SCRG1: variants seen among roughly 807,000 people sequenced by gnomAD.
The protein encoded by SCRG1 is stimulator of chondrogenesis 1.
In SCRG1, 3 loss-of-function variants were observed where a neutral mutation model predicts 7.7. The observed-to-expected ratio is 0.39, with a 90% CI of 0.18 to 1.01. The LOEUF (loss-of-function observed/expected upper bound fraction) is 1.01. SCRG1 is among the 50% of genes least tolerant of loss of function. The pLI is 0.36. For missense variants in SCRG1, 110 were observed against 117.2 expected, an observed-to-expected ratio of 0.94 and a Z score of 0.28; for synonymous variants, 46 against 41.2, an observed-to-expected ratio of 1.12 and a Z score of -0.44.
At chr4:173,394,360 A>G (rs1213504487) in intron 1 of SCRG1, among the ~76,000 whole-genome samples, 1 of 151,886 alleles carries the variant, frequency 6.6e-6, no homozygotes, top group East Asian at 1.9e-4. Flanking sequence ...ATATTTTATA[A>G]TTGGCCAGGC....
chr4:173,397,097 C>T (rs1560832553), intron 1 of SCRG1, among the ~76,000 whole-genome samples: 2 of 152,124 alleles, frequency 1.3e-5, no homozygotes, highest in African/African-American at 4.8e-5. Flanking sequence ...AAATAAATTA[C>T]ATGTCTTAAA....
chr4:173,405,533 C>A (rs10023261), intron 1 of SCRG1, among the ~76,000 whole-genome samples: 2,758 of 152,210 alleles, frequency 0.018, 93 homozygotes, highest in African/African-American at 0.057. Context: ...TCTTTGAGGG[C>A]GGAGTAACTA....
chr4:173,412,665 T>C, the SCRG1 span, among the ~76,000 whole-genome samples: 2 of 152,184 alleles, frequency 1.3e-5, no homozygotes. Context: ...GAAAACGCCC[T>C]CAGTTTACTG....
At chr4:173,464,238 A>G in the SCRG1 span, among the ~76,000 whole-genome samples, 1 of 152,192 alleles carries the variant, frequency 6.6e-6, no homozygotes, top group African/African-American at 2.4e-5. Context: ...AAAAATTTCT[A>G]GAGATATCCC....
the SCRG1 span, among the ~76,000 whole-genome samples, chr4:173,471,456 G>A: frequency 6.6e-6 from 1 of 152,108 alleles, no homozygotes; most frequent in Non-Finnish European, 1.5e-5. Context: ...TCATAGTACA[G>A]AAATTGGAAT....
chr4:173,462,428 A>G, the SCRG1 span, among the ~76,000 whole-genome samples: 1 of 152,168 alleles, frequency 6.6e-6, no homozygotes, highest in African/African-American at 2.4e-5. Flanking sequence ...GAAGAAAAAA[A>G]CCCTCTTGCC....
chr4:173,439,804 T>C, the SCRG1 span, among the ~76,000 whole-genome samples: 1 of 152,206 alleles, frequency 6.6e-6, no homozygotes, highest in African/African-American at 2.4e-5. Flanking sequence ...CAATTAGATG[T>C]TCCTGCCAGA....
chr4:173,413,874 A>G, the SCRG1 span, among the ~76,000 whole-genome samples: 274 of 152,280 alleles, frequency 1.8e-3, no homozygotes, highest in Admixed American at 5.0e-3. Flanking sequence ...GTCTTCTCCA[A>G]TATCTGGATG....
chr4:173,496,775 T>C, the SCRG1 span, among the ~76,000 whole-genome samples: 2 of 152,290 alleles, frequency 1.3e-5, no homozygotes, highest in South Asian at 2.1e-4. Context: ...GAAGGTTTAA[T>C]ATAAGAGGTC....
chr4:173,416,919 C>A, the SCRG1 span, among the ~76,000 whole-genome samples: 1 of 32,522 alleles, frequency 3.1e-5, no homozygotes, highest in Non-Finnish European at 7.8e-5. Context: ...CAAACACACA[C>A]ACACACACAC....
chr4:173,487,189 A>G, the SCRG1 span, among the ~76,000 whole-genome samples: 2 of 152,188 alleles, frequency 1.3e-5, no homozygotes, highest in Non-Finnish European at 2.9e-5. Flanking sequence ...GAGGCAAATC[A>G]TGGACTTATC....
chr4:173,405,092 G>A (rs146595732), intron 1 of SCRG1, among the ~76,000 whole-genome samples: 2 of 151,886 alleles, frequency 1.3e-5, no homozygotes, highest in East Asian at 3.9e-4. Context: ...TTTCTGTTGC[G>A]GGATCCCCTG....
chr4:173,479,667 C>T, the SCRG1 span, among the ~76,000 whole-genome samples: 2 of 151,938 alleles, frequency 1.3e-5, no homozygotes, highest in Non-Finnish European at 2.9e-5. Context: ...TCTCAAACTC[C>T]TGACCTCAGT....
chr4:173,519,060 A>G, the SCRG1 span, among the ~76,000 whole-genome samples: 1 of 151,868 alleles, frequency 6.6e-6, no homozygotes, highest in Non-Finnish European at 1.5e-5. Context: ...CAGGCCCGCC[A>G]CGTCTACGCT....
the SCRG1 span, among the ~76,000 whole-genome samples, chr4:173,483,767 ATG>A: frequency 7.4e-4 from 20 of 27,154 alleles, 10 homozygotes; most frequent in East Asian, 9.0e-3. Context: ...TATCATATAT[ATG>A]ATATATGATA....
At chr4:173,437,265 T>TAC in the SCRG1 span, among the ~76,000 whole-genome samples, 22 of 151,452 alleles carry the variant, frequency 1.5e-4, no homozygotes, top group Non-Finnish European at 2.4e-4. Context: ...AATAGACACA[T>TAC]ACACACACAC....
chr4:173,385,136 G>A lies in SCRG1; in HGVS notation c.*3205C>T, dbSNP rs532813827. The A allele has an allele frequency of 2.0e-5, 3 of 152,228 alleles. No homozygotes were observed. The South Asian group carries it at 6.2e-4, about 32-fold the overall frequency. The allele number at this position is 152,228 out of a possible 1,614,324, so 9.4% of individuals were successfully genotyped here. ...TCTCATTCAGTTGCTGCAAGATGGT[G>A]TTTAGAAGAATAATAAAATTTTAAT... On this transcript the variant is annotated 3_prime_UTR_variant, in exon 3 of 3. Transcript: ENST00000296506.
the SCRG1 span, among the ~76,000 whole-genome samples, chr4:173,471,624 GC>G: frequency 6.6e-6 from 1 of 152,136 alleles, no homozygotes; most frequent in East Asian, 1.9e-4. Flanking sequence ...GGATTGACTT[GC>G]CTGGTAAGTA....
At chr4:173,448,745 T>C in the SCRG1 span, among the ~76,000 whole-genome samples, 1 of 152,240 alleles carries the variant, frequency 6.6e-6, no homozygotes, top group African/African-American at 2.4e-5. Context: ...ATGCAGCTGA[T>C]GATTTATGGA....
Sources: gnomAD v4.1 joint callset for allele counts (sites outside exome capture counted in the v4.1 genomes callset) on GRCh38, gnomAD v4.1.1 for gene constraint, MANE v1.5 for transcripts, NCBI Gene and HGNC (gene_info 2026-07-23, HGNC 2026-07-21) for gene names.